Variants in DLG2 observed in about 807,000 individuals in gnomAD.
The protein encoded by DLG2 is discs large MAGUK scaffold protein 2, also known as disks large homolog 2.
A neutral mutation model predicts 132.5 loss-of-function variants in DLG2; 45 were observed. That is an observed-to-expected ratio of 0.34 (90% CI 0.27 to 0.44). DLG2 has a LOEUF of 0.44. Among genes scored for constraint, DLG2 ranks in the 20% least tolerant of loss-of-function variants. DLG2 has a pLI of 1.00. For synonymous variants in DLG2, 424 were observed against 419.6 expected, an observed-to-expected ratio of 1.01 and a Z score of -0.13; for missense variants, 1,045 against 1,196.9, an observed-to-expected ratio of 0.87 and a Z score of 1.87.
chr11:84,463,845 A>G (rs1269993537), intron 7 of DLG2, among the ~76,000 whole-genome samples: 3 of 151,174 alleles, frequency 2.0e-5, no homozygotes, highest in Non-Finnish European at 4.5e-5. Context: ...AGAGGCATAC[A>G]ATACCAGACT....
intron 6 of DLG2, among the ~76,000 whole-genome samples, chr11:84,556,207 T>C (rs1176355183): frequency 1.3e-5 from 2 of 152,158 alleles, no homozygotes; most frequent in Admixed American, 1.3e-4. Flanking sequence ...AGACAGGACA[T>C]GGTCAGGTAG....
chr11:85,424,549 A>C (rs1051725125), intron 3 of DLG2, among the ~76,000 whole-genome samples: 1 of 152,218 alleles, frequency 6.6e-6, no homozygotes. Context: ...CTTGACATTT[A>C]AACCAGTTTG....
At chr11:85,296,153 G>A (rs1365340363) in intron 3 of DLG2, among the ~76,000 whole-genome samples, 1 of 152,112 alleles carries the variant, frequency 6.6e-6, no homozygotes, top group African/African-American at 2.4e-5. Flanking sequence ...AGAAAAAGAT[G>A]GCAAAACAGC....
intron 6 of DLG2, among the ~76,000 whole-genome samples, chr11:84,773,210 A>T (rs2023093): frequency 0.45 from 68,894 of 151,856 alleles, 16,407 homozygotes; most frequent in Non-Finnish European, 0.54. Flanking sequence ...GAAACATACA[A>T]CCTCCCAAGA....
chr11:84,748,339 G>C (rs2065659357), intron 6 of DLG2, among the ~76,000 whole-genome samples: 1 of 152,132 alleles, frequency 6.6e-6, no homozygotes, highest in African/African-American at 2.4e-5. Flanking sequence ...CTCTCAAGTA[G>C]CTCATAATCA....
chr11:85,257,067 A>G (rs1434835524), intron 4 of DLG2, among the ~76,000 whole-genome samples: 3 of 152,206 alleles, frequency 2.0e-5, no homozygotes, highest in African/African-American at 7.2e-5. Flanking sequence ...AAAGAAAAAG[A>G]CAGAGAAGAA....
intron 7 of DLG2, among the ~76,000 whole-genome samples, chr11:84,389,848 C>T (rs1180938610): frequency 6.6e-6 from 1 of 152,036 alleles, no homozygotes; most frequent in Non-Finnish European, 1.5e-5. Context: ...TTTTTAAACA[C>T]TTCAGATTAT....
chr11:84,916,445 G>GA (rs1202547228), intron 6 of DLG2, among the ~76,000 whole-genome samples: 1 of 146,664 alleles, frequency 6.8e-6, no homozygotes, highest in African/African-American at 2.5e-5. Context: ...CAGCAGAGCT[G>GA]AAAACCCACA....
chr11:84,483,071 C>T (rs1304843684), intron 7 of DLG2, among the ~76,000 whole-genome samples: 1 of 152,048 alleles, frequency 6.6e-6, no homozygotes, highest in Admixed American at 6.6e-5. Flanking sequence ...CTCATATAAC[C>T]TGGAAACAAA....
At chr11:84,934,515 G>GTTTTTTTT (rs2048482997) in intron 6 of DLG2, among the ~76,000 whole-genome samples, 3 of 40,510 alleles carry the variant, frequency 7.4e-5, no homozygotes, top group Admixed American at 3.3e-4. Context: ...TTTTTTTTTT[G>GTTTTTTTT]TTTTGTTTTG....
intron 7 of DLG2, among the ~76,000 whole-genome samples, chr11:84,458,358 T>C (rs557614984): frequency 6.6e-6 from 1 of 151,022 alleles, no homozygotes; most frequent in South Asian, 2.1e-4. Context: ...TTCCAAAACA[T>C]TAAAATGAAG....
At chr11:84,813,446 A>G (rs2076783493) in intron 6 of DLG2, among the ~76,000 whole-genome samples, 1 of 152,126 alleles carries the variant, frequency 6.6e-6, no homozygotes, top group Admixed American at 6.5e-5. Context: ...CTGATTAGAA[A>G]ATAATAGCAC....
chr11:83,655,102 A>T (rs1218939819), intron 18 of DLG2, among the ~76,000 whole-genome samples: 1 of 152,208 alleles, frequency 6.6e-6, no homozygotes, highest in African/African-American at 2.4e-5. Flanking sequence ...GCTTTTCTCC[A>T]TCTTGGCATT....
chr11:84,420,698 T>TCGC (rs2098946980), intron 7 of DLG2, among the ~76,000 whole-genome samples: 1 of 109,174 alleles, frequency 9.2e-6, no homozygotes, highest in Non-Finnish European at 1.8e-5. Flanking sequence ...AGACGGAGTC[T>TCGC]TGCTCTGTCG....
intron 11 of DLG2, among the ~76,000 whole-genome samples, chr11:84,008,439 G>T (rs1384749): frequency 0.64 from 97,043 of 151,682 alleles, 33,459 homozygotes; most frequent in Non-Finnish European, 0.78. Context: ...CACATGTTTT[G>T]GAGATGGAGT....
intron 8 of DLG2, among the ~76,000 whole-genome samples, chr11:84,238,378 G>A (rs934183498): frequency 3.3e-5 from 5 of 152,054 alleles, no homozygotes; most frequent in African/African-American, 1.2e-4. Flanking sequence ...ACCTGGATGT[G>A]GTGGCACACG....
intron 21 of DLG2, among the ~76,000 whole-genome samples, chr11:83,518,816 G>A (rs774535076): frequency 1.3e-5 from 2 of 152,052 alleles, no homozygotes; most frequent in African/African-American, 2.4e-5. Context: ...AATTAAAAAT[G>A]GTAAAAATGA....
chr11:85,053,852 A>T (rs1020524861), intron 6 of DLG2, among the ~76,000 whole-genome samples: 3 of 151,812 alleles, frequency 2.0e-5, no homozygotes, highest in African/African-American at 4.8e-5. Flanking sequence ...CTCATGGCCT[A>T]AAGTGTAGAA....
intron 6 of DLG2, among the ~76,000 whole-genome samples, chr11:84,543,133 A>T (rs1163716786): frequency 6.6e-6 from 1 of 152,208 alleles, no homozygotes; most frequent in African/African-American, 2.4e-5. Flanking sequence ...ATCAATATTT[A>T]TATTCATTTC....
Sources: allele counts gnomAD v4.1 joint callset (sites outside exome capture counted in the v4.1 genomes callset), GRCh38; gene constraint gnomAD v4.1.1; transcripts MANE v1.5; gene names NCBI Gene and HGNC (gene_info 2026-07-23, HGNC 2026-07-21).